The following ELL variants were observed in gnomAD, a reference collection of about 807,000 sequenced individuals.
ELL encodes the protein RNA polymerase II elongation factor ELL.
A neutral mutation model predicts 64.0 loss-of-function variants in ELL; 18 were observed. The ratio of observed to expected loss-of-function variants is 0.28; its 90% confidence interval spans 0.19 to 0.42. The LOEUF (loss-of-function observed/expected upper bound fraction) is 0.42. Ranked by LOEUF, ELL falls within the 10% of genes least tolerant of loss-of-function variation. The pLI is 1.00. For synonymous variants in ELL, 399 were observed against 376.2 expected, an observed-to-expected ratio of 1.06 and a Z score of -0.70; for missense variants, 797 against 870.4, an observed-to-expected ratio of 0.92 and a Z score of 1.06.
At chr19:18,482,259 C>G (rs1448140700) in intron 1 of ELL, among the ~76,000 whole-genome samples, 1 of 136,718 alleles carries the variant, frequency 7.3e-6, no homozygotes, top group Non-Finnish European at 1.6e-5. Flanking sequence ...AGAGCTTTAT[C>G]AGATAAATTT....
intron 4 of ELL, among the ~76,000 whole-genome samples, chr19:18,464,396 G>T (rs571734437): frequency 6.6e-6 from 1 of 152,250 alleles, no homozygotes; most frequent in East Asian, 1.9e-4. Flanking sequence ...AACAAAACAC[G>T]CTGTCTCTTC....
chr19:18,487,265 CA>C (rs1975438692), intron 1 of ELL, among the ~76,000 whole-genome samples: 1 of 152,210 alleles, frequency 6.6e-6, no homozygotes, highest in Non-Finnish European at 1.5e-5. Context: ...AGAGTAGGGT[CA>C]CCCCTCAAAT....
At position 18,443,592 on chromosome 19, in the gene ELL, T is replaced by A. The variant is rs534766745; in HGVS notation, c.*1160A>T. ...CTGGGGGGTCCCCACATACGCACAC[T>A]CACACACCCACACTTGCGTGGCCCC... On this transcript the variant is annotated 3_prime_UTR_variant, in exon 12 of 12. Coordinates refer to ENST00000262809, the MANE Select transcript of ELL (RefSeq NM_006532.4). 2.1e-5 allele frequency: 5 copies of A among 233,090 alleles called. No individual in the cohort carries two copies. The highest frequency in any genetic ancestry group is 3.6e-4 in the South Asian group (2 of 5,504). 14.4% of individuals were successfully genotyped at this position (233,090 alleles called of 1,614,324 possible).
chr19:18,480,052 T>C (rs544388136), intron 1 of ELL, among the ~76,000 whole-genome samples: 10 of 152,284 alleles, frequency 6.6e-5, no homozygotes, highest in African/African-American at 2.4e-4. Flanking sequence ...AATGCATCTG[T>C]TCCTTCTTCA....
intron 2 of ELL, chr19:18,472,366 A>G (rs1484475422): frequency 6.3e-6 from 1 of 157,506 alleles, no homozygotes; most frequent in Non-Finnish European, 1.4e-5. Context: ...TTAGATTCTC[A>G]TAAGGAGCAC....
chr19:18,467,937 T>C (rs911685825), intron 2 of ELL, among the ~76,000 whole-genome samples: 2 of 109,350 alleles, frequency 1.8e-5, no homozygotes, highest in African/African-American at 3.5e-5. Flanking sequence ...ACACACACAA[T>C]ACCCAACACA....
intron 8 of ELL, 119 bp from the exon 9 acceptor site, chr19:18,446,933 G>T: frequency 9.2e-7 from 1 of 1,083,674 alleles, no homozygotes; most frequent in Non-Finnish European, 1.4e-6. Context: ...GACATAGAGG[G>T]ATAGCAGAGG....
Position 18,444,777 on chromosome 19 carries a change from T to C in ELL, c.1841A>G (p.Gln614Arg). Residue 614 changes from glutamine to arginine, a missense_variant, in exon 12 of 12, where the codon CAG (glutamine) becomes CGG (arginine). Coordinates refer to ENST00000262809, the MANE Select transcript of ELL (RefSeq NM_006532.4). ...HIKRLIAEYD[Q>R]RQLQAWP ...CTAGGGCCAAGCCTGCAGCTGCCGC[T>C]GGTCGTACTCGGCGATGAGCCTCTT... 1.2e-6 allele frequency: 2 copies of C among 1,607,624 alleles called. No individual in the cohort carries two copies. Among genetic ancestry groups the C allele is most frequent in the Non-Finnish European group, 1.7e-6 (2 of 1,179,290 alleles).
chr19:18,517,886 CAAAA>C (rs35771773), intron 1 of ELL, among the ~76,000 whole-genome samples: 4 of 84,566 alleles, frequency 4.7e-5, no homozygotes, highest in Admixed American at 1.4e-4. Flanking sequence ...GACCTTGTCT[CAAAA>C]AAAAAAAAAA....
At chr19:18,453,203 G>A (rs1974576615) in intron 6 of ELL, among the ~76,000 whole-genome samples, 1 of 152,228 alleles carries the variant, frequency 6.6e-6, no homozygotes, top group African/African-American at 2.4e-5. Flanking sequence ...GAACCCGGGA[G>A]GCGGAGGTTG....
At chr19:18,487,233 C>G (rs1220051935) in intron 1 of ELL, among the ~76,000 whole-genome samples, 2 of 152,250 alleles carry the variant, frequency 1.3e-5, no homozygotes, top group African/African-American at 2.4e-5. Context: ...CTGGGAACAT[C>G]TGGACAATCC....
chr19:18,446,912 G>A (rs1486334848), intron 8 of ELL, 98 bp from the exon 9 acceptor site: 1 of 1,297,448 alleles, frequency 7.7e-7, no homozygotes, highest in African/African-American at 1.5e-5. Flanking sequence ...TGTACACTTT[G>A]CTGCTGGAGG....
In ELL at chr19:18,451,414, C is replaced by G. The variant is rs1600427178; in HGVS notation, c.966+138G>C. The G allele has an allele frequency of 3.7e-6, 3 of 811,656 alleles. No homozygotes were observed. In the East Asian group the frequency reaches 9.9e-5, roughly 27 times the overall value. 50.3% of individuals were successfully genotyped at this position (811,656 alleles called of 1,614,324 possible). ...CAACCCGACAGCTTCCCCCTTGGTCCCTGGGCGGAGGGAGGCGGCTCAACT... is the reference window on the plus strand; with the variant it reads ...CAACCCGACAGCTTCCCCCTTGGTCGCTGGGCGGAGGGAGGCGGCTCAACT... On this transcript the variant is annotated intron_variant, in intron 7 of 11. Coordinates refer to ENST00000262809, the MANE Select transcript of ELL (RefSeq NM_006532.4).
intron 2 of ELL, chr19:18,471,487 G>A (rs1975064219): frequency 3.5e-6 from 1 of 284,678 alleles, no homozygotes; most frequent in African/African-American, 2.3e-5. Context: ...GGCCAACATG[G>A]TGAAACCCTA....
intron 1 of ELL, among the ~76,000 whole-genome samples, chr19:18,485,418 C>T (rs889037542): frequency 1.3e-5 from 2 of 152,200 alleles, no homozygotes; most frequent in African/African-American, 2.4e-5. Flanking sequence ...CACCACAGAG[C>T]AGACTGGCCC....
At chr19:18,474,088 C>G (rs1975125179) in intron 1 of ELL, among the ~76,000 whole-genome samples, 2 of 152,214 alleles carry the variant, frequency 1.3e-5, no homozygotes, top group Admixed American at 6.5e-5. Context: ...CCAGGGTCCG[C>G]CCTCTGGAGC....
intron 1 of ELL, among the ~76,000 whole-genome samples, chr19:18,493,835 C>T (rs1373081267): frequency 2.0e-5 from 3 of 152,230 alleles, no homozygotes; most frequent in Non-Finnish European, 4.4e-5. Context: ...CTCCTCATAG[C>T]TCTTTGCTCT....
intron 1 of ELL, among the ~76,000 whole-genome samples, chr19:18,518,338 A>T (rs1307753939): frequency 6.6e-6 from 1 of 150,956 alleles, no homozygotes. Context: ...CGTCTCTACA[A>T]AAAAATTTAA....
chr19:18,455,259 G>A (rs1030219239), intron 6 of ELL, among the ~76,000 whole-genome samples: 3 of 151,880 alleles, frequency 2.0e-5, no homozygotes, highest in Non-Finnish European at 4.4e-5. Context: ...TTGGGAGGCC[G>A]AGGCGGGTGG....
Sources: allele counts gnomAD v4.1 joint callset (sites outside exome capture counted in the v4.1 genomes callset), GRCh38; gene constraint gnomAD v4.1.1; transcripts MANE v1.5; gene names NCBI Gene and HGNC (gene_info 2026-07-23, HGNC 2026-07-21).